NFIC: variants seen among roughly 807,000 people sequenced by gnomAD.
NFIC encodes nuclear factor 1 C-type.
Under a neutral mutation model 54.4 loss-of-function variants are expected in NFIC, and 12 were observed. The observed-to-expected ratio is 0.22, with a 90% CI of 0.14 to 0.36. The LOEUF (loss-of-function observed/expected upper bound fraction) is 0.36, where lower values mean the gene tolerates loss of function less well. Ranked by LOEUF, NFIC falls within the 10% of genes least tolerant of loss-of-function variation. NFIC has a pLI of 1.00. For missense variants in NFIC, 575 were observed against 718.2 expected (o/e 0.80, Z 2.28); for synonymous variants, 322 against 319.2 (o/e 1.01, Z -0.09).
chr19:3,429,269 C>T (rs1456974816), intron 3 of NFIC, among the ~76,000 whole-genome samples: 1 of 139,308 alleles, frequency 7.2e-6, no homozygotes, highest in Admixed American at 7.5e-5. Context: ...CACACACACA[C>T]ACACACACAC....
chr19:3,372,876 G>A (rs1008038930), intron 1 of NFIC, among the ~76,000 whole-genome samples: 3 of 150,908 alleles, frequency 2.0e-5, no homozygotes, highest in South Asian at 2.1e-4. Context: ...ACAGAGTCTC[G>A]CTCTGTCGCC....
chr19:3,419,395 G>A (rs1361060914), intron 2 of NFIC, among the ~76,000 whole-genome samples: 1 of 152,010 alleles, frequency 6.6e-6, no homozygotes, highest in African/African-American at 2.4e-5. Context: ...GATTGCTGGA[G>A]CCCAGGAGGT....
rs1382048185 is a variant in NFIC at position 3,459,319 on chromosome 19, G to A, written c.1509+2684G>A. On this transcript the variant is annotated intron_variant, in intron 10 of 10. Transcript: ENST00000443272. The surrounding 1 kb of genome is among the most constrained non-coding windows in gnomAD (Gnocchi z 4.2). ...CGCCCTGGTCAGTTACCCACCCATCGCCCCATGTCCGTCCCTATCAATCCC... is the reference window on the plus strand; with the variant it reads ...CGCCCTGGTCAGTTACCCACCCATCACCCCATGTCCGTCCCTATCAATCCC... Among the ~76,000 whole-genome samples the A allele has an allele frequency of 1.4e-5, 2 of 147,238 alleles. No homozygotes were observed. Among genetic ancestry groups the A allele is most frequent in the African/African-American group, 5.1e-5 (2 of 39,282 alleles).
chr19:3,414,909 G>A (rs1163415915), intron 2 of NFIC, among the ~76,000 whole-genome samples: 1 of 151,794 alleles, frequency 6.6e-6, no homozygotes, highest in Non-Finnish European at 1.5e-5. Context: ...GCATGATCTC[G>A]GCTCACTGTA....
At chr19:3,372,163 G>A (rs2145440685) in intron 1 of NFIC, among the ~76,000 whole-genome samples, 1 of 152,058 alleles carries the variant, frequency 6.6e-6, no homozygotes, top group African/African-American at 2.4e-5. Flanking sequence ...TGGAATTACA[G>A]GCACGTGCCA....
chr19:3,435,341 TGTA>T, intron 6 of NFIC, 134 bp downstream of exon 6: 1 of 1,285,048 alleles, frequency 7.8e-7, no homozygotes, highest in South Asian at 1.6e-5. Context: ...TCCTGGGAAT[TGTA>T]GTCGTCCCGA....
At chr19:3,419,785 C>T (rs1435449781) in intron 2 of NFIC, among the ~76,000 whole-genome samples, 2 of 143,000 alleles carry the variant, frequency 1.4e-5, no homozygotes, top group African/African-American at 2.6e-5. Context: ...GGCGACACAG[C>T]GATACTCTGT....
At chr19:3,402,405 T>C (rs2081573091) in intron 2 of NFIC, among the ~76,000 whole-genome samples, 1 of 152,182 alleles carries the variant, frequency 6.6e-6, no homozygotes, top group Non-Finnish European at 1.5e-5. Flanking sequence ...TGTCTCCTTG[T>C]CTCTCTTTTT....
rs2082510968 is a variant in NFIC at position 3,453,944 on chromosome 19, TGGGGCGGATGTCCGCAGG to T, written c.1423+34_1423+51del. The T allele has an allele frequency of 6.7e-7, 1 of 1,497,330 alleles. No individual in the cohort carries two copies. The highest frequency in any genetic ancestry group is 1.4e-5 in the African/African-American group (1 of 69,966). The allele number at this position is 1,497,330 out of a possible 1,614,324, so 92.8% of individuals were successfully genotyped here. ...AAGCACGCGGGAAGCGGTGCCCTGGTGGGGCGGATGTCCGCAGGGGGGCCTGTCCCCTCCCCAGCCCCA... is the reference window on the plus strand; with the variant it reads ...AAGCACGCGGGAAGCGGTGCCCTGGTGGGGCCTGTCCCCTCCCCAGCCCCA... On this transcript the variant is annotated intron_variant, in intron 9 of 10. Transcript: ENST00000443272. This position sits in a 1 kb window ranked among gnomAD's most constrained non-coding sequence, Gnocchi z 6.7.
chr19:3,457,545 G>C (rs540253348), intron 10 of NFIC, among the ~76,000 whole-genome samples: 2 of 152,168 alleles, frequency 1.3e-5, no homozygotes, highest in African/African-American at 4.8e-5. Flanking sequence ...CTCTCTCCCC[G>C]GTTTGTGTTG....
rs771417250 is a variant in NFIC, at chr19:3,452,925, C to T, written c.1269+259C>T. ...CGTAGGTCCCAGCAACTGCGTGAGT[C>T]GTACTCATGTTAACACAAGGCAGGG... On this transcript the variant is annotated intron_variant, in intron 8 of 10. Coordinates refer to ENST00000443272, the MANE Select transcript of NFIC (RefSeq NM_001245002.2). This position sits in a 1 kb window ranked among gnomAD's most constrained non-coding sequence, Gnocchi z 5.3. 1.3e-5 allele frequency among the ~76,000 whole-genome samples: 2 copies of T among 152,180 alleles called. No individual in the cohort carries two copies. Among genetic ancestry groups the T allele is most frequent in the Non-Finnish European group, 2.9e-5 (2 of 68,044 alleles).
At chr19:3,405,781 T>C (rs887029216) in intron 2 of NFIC, among the ~76,000 whole-genome samples, 2 of 151,982 alleles carry the variant, frequency 1.3e-5, no homozygotes, top group Non-Finnish European at 2.9e-5. Flanking sequence ...TTTGTATTTT[T>C]AGTAGAGACA....
At chr19:3,427,787 C>T (rs2082048703) in intron 3 of NFIC, among the ~76,000 whole-genome samples, 1 of 130,620 alleles carries the variant, frequency 7.7e-6, no homozygotes, top group Non-Finnish European at 1.6e-5. Flanking sequence ...AGATTGTGCA[C>T]CCTGGGCGAC....
At chr19:3,366,089 G>T (rs529271923), upstream of NFIC, among the ~76,000 whole-genome samples, 220 of 152,158 alleles carry the variant, frequency 1.4e-3, 2 homozygotes, top group African/African-American at 5.2e-3. Flanking sequence ...GGGGTGATGG[G>T]GGGGTGGGGA....
At position 3,369,560 on chromosome 19, in the gene NFIC, C is replaced by T. The variant is rs1454781726; in HGVS notation, c.30+2894C>T. On this transcript the variant is annotated intron_variant, in intron 1 of 10. Transcript: ENST00000443272. The surrounding 1 kb of genome is among the most constrained non-coding windows in gnomAD (Gnocchi z 4.3). ...GCCAGCCCGCTCTGTGCCACCCGGG[C>T]CCGGCCCGCCGAGTGGGGAGTGGGT... 6.6e-6 allele frequency among the ~76,000 whole-genome samples: 1 copy of T among 152,206 alleles called. No individual in the cohort carries two copies. The highest frequency in any genetic ancestry group is 1.5e-5 in the Non-Finnish European group (1 of 68,022).
intron 2 of NFIC, among the ~76,000 whole-genome samples, chr19:3,391,980 G>A (rs796612550): frequency 7.9e-5 from 12 of 152,000 alleles, no homozygotes; most frequent in African/African-American, 2.9e-4. Context: ...GTAACCCTGG[G>A]TGAGTTTCTT....
At position 3,445,834 on chromosome 19, in the gene NFIC, G is replaced by A. The variant is rs890768168; in HGVS notation, c.959-3180G>A. On this transcript the variant is annotated intron_variant, in intron 6 of 10. Coordinates refer to ENST00000443272, the MANE Select transcript of NFIC (RefSeq NM_001245002.2). ...GCCTGTACCACACAGATGCCTGCAG[G>A]TGCCTATGGAACCACCAGCAGGAGA... Among the ~76,000 whole-genome samples the A allele has an allele frequency of 1.4e-3, 208 of 152,266 alleles. 3 individuals carry two copies. Among genetic ancestry groups the A allele is most frequent in the Non-Finnish European group, 3.7e-4 (25 of 68,012 alleles).
chr19:3,427,266 GA>G (rs2082041823), intron 3 of NFIC, among the ~76,000 whole-genome samples: 1 of 152,092 alleles, frequency 6.6e-6, no homozygotes, highest in African/African-American at 2.4e-5. Context: ...CTTTCCTTCA[GA>G]GGAAGTTAGT....
chr19:3,441,342 A>T (rs1471174383), intron 6 of NFIC, among the ~76,000 whole-genome samples: 2 of 152,222 alleles, frequency 1.3e-5, no homozygotes, highest in African/African-American at 4.8e-5. Context: ...GGCATCTGTG[A>T]TGTCCTAAGC....
Sources: allele counts gnomAD v4.1 joint callset (sites outside exome capture counted in the v4.1 genomes callset), GRCh38; gene constraint gnomAD v4.1.1; non-coding constraint Gnocchi (gnomAD v3.1); transcripts MANE v1.5; gene names NCBI Gene and HGNC (gene_info 2026-07-23, HGNC 2026-07-21).